CCDC141: variants seen among roughly 807,000 people sequenced by gnomAD.
CCDC141 encodes coiled-coil domain containing 141.
A neutral mutation model predicts 181.0 loss-of-function variants in CCDC141; 168 were observed. The observed-to-expected ratio is 0.93, with a 90% CI of 0.82 to 1.05. The LOEUF (loss-of-function observed/expected upper bound fraction) is 1.05. CCDC141 is among the 50% of genes least tolerant of loss of function. CCDC141 has a pLI of 0.00. For synonymous variants in CCDC141, 666 were observed against 642.3 expected (o/e 1.04, Z -0.56); for missense variants, 1,902 against 1,788.5 (o/e 1.06, Z -1.14).
chr2:178,872,416 CCGA>C, intron 12 of CCDC141, 104 bp from the exon 13 acceptor site: 1 of 1,106,254 alleles, frequency 9.0e-7, no homozygotes. Context: ...ACAACCAAAG[CCGA>C]AGATGGTTCT....
chr2:178,939,948 C>T (rs951578445), intron 6 of CCDC141, among the ~76,000 whole-genome samples: 1 of 152,184 alleles, frequency 6.6e-6, no homozygotes, highest in Non-Finnish European at 1.5e-5. Flanking sequence ...TAAACAACAT[C>T]TGTTGACCAC....
intron 22 of CCDC141, among the ~76,000 whole-genome samples, chr2:178,838,487 T>C (rs1042476184): frequency 1.3e-5 from 2 of 152,256 alleles, no homozygotes; most frequent in Non-Finnish European, 2.9e-5. Flanking sequence ...GTACCTCATA[T>C]AGAGAAAGCA....
intron 6 of CCDC141, among the ~76,000 whole-genome samples, chr2:178,934,006 A>G (rs765749299): frequency 2.1e-4 from 32 of 152,298 alleles, no homozygotes; most frequent in Non-Finnish European, 4.3e-4. Context: ...TTTTTAACAG[A>G]AACTCCAACA....
intron 11 of CCDC141, 126 bp from the exon 12 acceptor site, chr2:178,878,269 A>ATATTTATTTATT (rs1346754664): frequency 6.4e-6 from 2 of 314,564 alleles, no homozygotes; most frequent in African/African-American, 4.6e-5. Context: ...ATTTGTAAAC[A>ATATTTATTTATT]TATTTATTTA....
At chr2:178,966,772 G>A (rs910514958) in intron 4 of CCDC141, among the ~76,000 whole-genome samples, 3 of 152,014 alleles carry the variant, frequency 2.0e-5, no homozygotes, top group Admixed American at 1.3e-4. Flanking sequence ...AAAGAAGTAG[G>A]CTTCAGAAGG....
chr2:178,954,118 C>T (rs181043139), intron 5 of CCDC141, among the ~76,000 whole-genome samples: 7 of 152,282 alleles, frequency 4.6e-5, no homozygotes, highest in Admixed American at 2.0e-4. Flanking sequence ...TTCTCCTAGA[C>T]GTCCTTGACA....
At chr2:178,891,416 C>T (rs1192366099) in intron 8 of CCDC141, among the ~76,000 whole-genome samples, 2 of 152,096 alleles carry the variant, frequency 1.3e-5, no homozygotes, top group Non-Finnish European at 2.9e-5. Context: ...CACTCTGCCA[C>T]CTCATAGTGC....
intron 2 of CCDC141, among the ~76,000 whole-genome samples, chr2:179,023,122 A>G (rs372541686): frequency 6.6e-6 from 1 of 152,180 alleles, no homozygotes; most frequent in African/African-American, 2.4e-5. Context: ...CTGTATATAC[A>G]TTTGTATATA....
At chr2:178,922,017 AAT>A (rs1688712574) in intron 6 of CCDC141, among the ~76,000 whole-genome samples, 1 of 152,204 alleles carries the variant, frequency 6.6e-6, no homozygotes, top group Non-Finnish European at 1.5e-5. Flanking sequence ...CTACTTAATG[AAT>A]ATGGAGAAGC....
At position 178,869,282 on chromosome 2, in the gene CCDC141, G is replaced by C. The variant is rs1460259949; in HGVS notation, c.2229C>G (p.Tyr743Ter). 3.1e-6 allele frequency: 5 copies of C among 1,595,932 alleles called. No homozygotes were observed. The highest frequency in any genetic ancestry group is 1.8e-5 in the Admixed American group (1 of 54,416). Reference sequence around the variant, plus strand: ...TTAACTCCTCTGATTCTTTCATAATGTACTGAACCTCATCATTCAATTGCT... The same window carrying C: ...TTAACTCCTCTGATTCTTTCATAATCTACTGAACCTCATCATTCAATTGCT... Reference protein sequence around the residue: ...QFQQLNDEVQYIMKESEELTG... With the variant: ...QFQQLNDEVQ The change falls in exon 15 of 24, where the codon TAC (tyrosine) becomes TAG (stop). Residue 743 changes from tyrosine (Y) to a stop codon, truncating the protein, a stop_gained. Coordinates refer to ENST00000443758, the MANE Select transcript of CCDC141 (RefSeq NM_173648.4). LOFTEE classifies it high-confidence loss of function.
At chr2:179,009,081 G>A (rs2042191429) in intron 2 of CCDC141, among the ~76,000 whole-genome samples, 1 of 152,136 alleles carries the variant, frequency 6.6e-6, no homozygotes, top group Admixed American at 6.5e-5. Context: ...CTGTGCATGG[G>A]GTTGGTCCTG....
intron 2 of CCDC141, among the ~76,000 whole-genome samples, chr2:179,033,822 G>A (rs1446983350): frequency 6.6e-6 from 1 of 152,128 alleles, no homozygotes; most frequent in Non-Finnish European, 1.5e-5. Flanking sequence ...TGCTAGCTAT[G>A]ATCCTGGCCT....
intron 2 of CCDC141, among the ~76,000 whole-genome samples, chr2:179,021,266 T>G (rs1483479252): frequency 1.3e-5 from 2 of 152,212 alleles, no homozygotes; most frequent in African/African-American, 4.8e-5. Flanking sequence ...AACTATTTTT[T>G]CTGGTGAAAG....
chr2:178,993,886 G>C (rs1457686274), intron 2 of CCDC141, among the ~76,000 whole-genome samples: 1 of 152,192 alleles, frequency 6.6e-6, no homozygotes, highest in Non-Finnish European at 1.5e-5. Flanking sequence ...TAGCAGAGTA[G>C]TCAAATCTTA....
At chr2:179,047,227 G>T in intron 2 of CCDC141, 57 bp downstream of exon 2, 2 of 1,445,994 alleles carry the variant, frequency 1.4e-6, no homozygotes, top group Non-Finnish European at 1.8e-6. Flanking sequence ...AGAAGTATAA[G>T]AAATAGTTTT....
chr2:179,048,887 G>A (rs1410182721), intron 1 of CCDC141, among the ~76,000 whole-genome samples: 1 of 152,146 alleles, frequency 6.6e-6, no homozygotes, highest in Non-Finnish European at 1.5e-5. Flanking sequence ...AAAATTCACA[G>A]CAATTAAGTT....
At chr2:178,890,560 G>A (rs1417838822) in intron 8 of CCDC141, among the ~76,000 whole-genome samples, 1 of 152,080 alleles carries the variant, frequency 6.6e-6, no homozygotes, top group Non-Finnish European at 1.5e-5. Context: ...TTATCTATAA[G>A]TCCTAGCCAT....
intron 11 of CCDC141, among the ~76,000 whole-genome samples, chr2:178,879,287 T>G (rs1357605959): frequency 6.6e-6 from 1 of 152,214 alleles, no homozygotes; most frequent in Non-Finnish European, 1.5e-5. Context: ...AGCTTGTAAC[T>G]CCCAAGAGCA....
chr2:178,894,527 AC>A (rs1354412786), intron 8 of CCDC141, among the ~76,000 whole-genome samples: 3 of 152,108 alleles, frequency 2.0e-5, no homozygotes, highest in African/African-American at 7.2e-5. Context: ...AAAACCCAAC[AC>A]CCACAATAAA....
Sources: allele counts gnomAD v4.1 joint callset (sites outside exome capture counted in the v4.1 genomes callset), GRCh38; gene constraint gnomAD v4.1.1; transcripts MANE v1.5; gene names NCBI Gene and HGNC (gene_info 2026-07-23, HGNC 2026-07-21).